JMJD1C: variants seen among roughly 807,000 people sequenced by gnomAD.
JMJD1C encodes the protein jumonji domain-containing protein 1C.
A neutral mutation model predicts 245.3 loss-of-function variants in JMJD1C; 31 were observed. The observed-to-expected ratio is 0.13, with a 90% CI of 0.09 to 0.17. JMJD1C has a LOEUF of 0.17. Ranked by LOEUF, JMJD1C falls within the 10% of genes least tolerant of loss-of-function variation. The pLI is 1.00. For missense variants in JMJD1C, 2,691 were observed against 3,000.2 expected, an observed-to-expected ratio of 0.90 and a Z score of 2.41; for synonymous variants, 1,057 against 1,017.4, an observed-to-expected ratio of 1.04 and a Z score of -0.74.
intron 2 of JMJD1C, among the ~76,000 whole-genome samples, chr10:63,292,992 C>T (rs7909282): frequency 0.14 from 21,415 of 152,030 alleles, 3,446 homozygotes; most frequent in African/African-American, 0.4. Flanking sequence ...TGCAGTGAGC[C>T]GAGATCATGC....
chr10:63,193,242 A>T, intron 15 of JMJD1C, 91 bp from the exon 16 acceptor site: 3 of 1,465,938 alleles, frequency 2.0e-6, no homozygotes, highest in Admixed American at 1.8e-5. Flanking sequence ...GAAACACAGC[A>T]AACCTAATTC....
At chr10:63,281,161 C>T (rs145465259) in intron 2 of JMJD1C, among the ~76,000 whole-genome samples, 4 of 133,306 alleles carry the variant, frequency 3.0e-5, no homozygotes, top group East Asian at 2.5e-4. Flanking sequence ...GATGGAGTCT[C>T]GCTCGCTCTG....
chr10:63,474,098 T>A (rs564546503), intron 1 of JMJD1C, among the ~76,000 whole-genome samples: 89 of 147,034 alleles, frequency 6.1e-4, no homozygotes, highest in South Asian at 8.9e-4. Context: ...CTAAAAAAAA[T>A]AATAATAATA....
chr10:63,374,495 T>G (rs1329602844), intron 2 of JMJD1C, among the ~76,000 whole-genome samples: 1 of 152,164 alleles, frequency 6.6e-6, no homozygotes, highest in Non-Finnish European at 1.5e-5. Context: ...CTGAGGACAA[T>G]GGCAGTCAGT....
Position 63,191,083 on chromosome 10 carries a change from G to T in JMJD1C, c.6102C>A (p.Asn2034Lys). The T allele has an allele frequency of 6.2e-7, 1 of 1,613,306 alleles. No individual in the cohort carries two copies. Among genetic ancestry groups the T allele is most frequent in the Non-Finnish European group, 8.5e-7 (1 of 1,179,276 alleles). Residue 2034 changes from asparagine (N) to lysine (K), a missense_variant, in exon 17 of 26, where the codon AAC becomes AAA. By Grantham distance (94) the Asn-to-Lys change is moderately conservative. Around this residue, in one of 9 missense-constraint regions of JMJD1C, gnomAD observed 275 missense variants for 285.5 expected, o/e 0.96. Coordinates refer to ENST00000399262, the MANE Select transcript of JMJD1C (RefSeq NM_032776.3). ...KKENKELTLE[N>K]QIKEEREQDN... ...CTTGTTCTCTTTCTTCTTTAATTTGGTTTTCAAGGGTAAGTTCTTTGTTTT... is the reference window on the plus strand; with the variant it reads ...CTTGTTCTCTTTCTTCTTTAATTTGTTTTTCAAGGGTAAGTTCTTTGTTTT...
chr10:63,445,889 T>TTTTC (rs1951687790), intron 1 of JMJD1C, among the ~76,000 whole-genome samples: 1 of 121,402 alleles, frequency 8.2e-6, no homozygotes, highest in Non-Finnish European at 1.9e-5. Context: ...TTTTTTTTTT[T>TTTTC]TTCCAGACAG....
chr10:63,515,199 T>G (rs961028336), intron 1 of JMJD1C, among the ~76,000 whole-genome samples: 1 of 152,190 alleles, frequency 6.6e-6, no homozygotes, highest in Admixed American at 6.5e-5. Flanking sequence ...GAGTTAGGAA[T>G]TTCCTTTTCT....
chr10:63,345,877 G>A (rs1458169027), intron 2 of JMJD1C, among the ~76,000 whole-genome samples: 2 of 151,668 alleles, frequency 1.3e-5, no homozygotes, highest in Non-Finnish European at 2.9e-5. Flanking sequence ...AGTAAAGCAC[G>A]GTCTTTAACT....
intron 2 of JMJD1C, among the ~76,000 whole-genome samples, chr10:63,326,331 C>T (rs1187841738): frequency 6.6e-6 from 1 of 150,892 alleles, no homozygotes; most frequent in Non-Finnish European, 1.5e-5. Context: ...CCTGTCTCTA[C>T]TCAAAATACA....
chr10:63,228,630 A>C (rs1302640489), intron 3 of JMJD1C, among the ~76,000 whole-genome samples: 1 of 152,224 alleles, frequency 6.6e-6, no homozygotes, highest in Non-Finnish European at 1.5e-5. Context: ...ACCAGTATGA[A>C]GCAAGATTAA....
At chr10:63,226,668 T>C (rs572472390) in intron 3 of JMJD1C, among the ~76,000 whole-genome samples, 2 of 141,066 alleles carry the variant, frequency 1.4e-5, no homozygotes, top group Admixed American at 1.5e-4. Context: ...TAAGCTATAA[T>C]CGTGCCACTG....
intron 3 of JMJD1C, among the ~76,000 whole-genome samples, chr10:63,246,777 A>C (rs1799490809): frequency 6.6e-6 from 1 of 152,220 alleles, no homozygotes; most frequent in African/African-American, 2.4e-5. Flanking sequence ...TAAACCTAGA[A>C]ATCAGTAGCA....
intron 8 of JMJD1C, among the ~76,000 whole-genome samples, chr10:63,211,950 A>C (rs990459106): frequency 1.3e-5 from 2 of 152,170 alleles, no homozygotes; most frequent in Non-Finnish European, 2.9e-5. Context: ...TGAATGGAGA[A>C]AGAAAATAGG....
At chr10:63,431,363 G>GTT (rs952941757) in intron 1 of JMJD1C, among the ~76,000 whole-genome samples, 1 of 152,166 alleles carries the variant, frequency 6.6e-6, no homozygotes, top group Non-Finnish European at 1.5e-5. Flanking sequence ...ACATATTGTA[G>GTT]TTTTATGCTT....
At chr10:63,452,443 G>A (rs1379963847) in intron 1 of JMJD1C, among the ~76,000 whole-genome samples, 1 of 152,174 alleles carries the variant, frequency 6.6e-6, no homozygotes, top group East Asian at 1.9e-4. Flanking sequence ...AGTAAGTGTT[G>A]ACTAGGATGT....
In JMJD1C at chr10:63,465,786, C is replaced by T. The variant is rs1283587601; in HGVS notation, c.-124G>A. 2 of 1,207,530 alleles carry T rather than the reference C, an allele frequency of 1.7e-6. No individual in the cohort carries two copies. The highest frequency in any genetic ancestry group is 1.5e-5 in the African/African-American group (1 of 67,808). The allele number at this position is 1,207,530 out of a possible 1,614,324, so 74.8% of individuals were successfully genotyped here. ...ACACAGCAGCGGACCCGAAAGAGCG[C>T]AGACTCGGGACGAACCGGCCGCTCT... On this transcript the variant is annotated 5_prime_UTR_variant, in exon 1 of 26. Coordinates refer to ENST00000399262, the MANE Select transcript of JMJD1C (RefSeq NM_032776.3).
chr10:63,375,650 A>C lies in JMJD1C; in HGVS notation c.333+4668T>G, dbSNP rs186280079. ...ACTGCAGCCATGAACTCCTGGGCTT[A>C]TGCAATCCTTCAGACTTAGCCTCTC... On this transcript the variant is annotated intron_variant, in intron 2 of 25. Coordinates refer to ENST00000399262, the MANE Select transcript of JMJD1C (RefSeq NM_032776.3). 5.9e-5 allele frequency among the ~76,000 whole-genome samples: 9 copies of C among 152,092 alleles called. No individual in the cohort carries two copies. The East Asian group carries it at 1.2e-3, about 20-fold the overall frequency.
chr10:63,341,945 C>T (rs1475866341), intron 2 of JMJD1C, among the ~76,000 whole-genome samples: 3 of 152,124 alleles, frequency 2.0e-5, no homozygotes, highest in African/African-American at 7.2e-5. Flanking sequence ...TTATGTGTGC[C>T]TGTAACTATA....
intron 1 of JMJD1C, among the ~76,000 whole-genome samples, chr10:63,384,040 A>G (rs1947408080): frequency 6.6e-6 from 1 of 152,208 alleles, no homozygotes; most frequent in Non-Finnish European, 1.5e-5. Context: ...CTAAGGTTGC[A>G]TTATCACCAA....
Sources: allele counts gnomAD v4.1 joint callset (sites outside exome capture counted in the v4.1 genomes callset), GRCh38; gene constraint gnomAD v4.1.1; regional missense constraint gnomAD v4.1.1; transcripts MANE v1.5; gene names NCBI Gene and HGNC (gene_info 2026-07-23, HGNC 2026-07-21).